The following UTP4 variants were observed in gnomAD, a reference collection of about 807,000 sequenced individuals.
The protein encoded by UTP4 is U3 small nucleolar RNA-associated protein 4 homolog.
Under a neutral mutation model 82.4 loss-of-function variants are expected in UTP4, and 45 were observed. The ratio of observed to expected loss-of-function variants is 0.55; its 90% CI spans 0.43 to 0.70. The LOEUF is 0.70. UTP4 is among the 30% of genes least tolerant of loss of function. The pLI is 0.00. For synonymous variants in UTP4, 348 were observed against 300.3 expected (o/e 1.16, Z -1.64); for missense variants, 819 against 858.3 (o/e 0.95, Z 0.57).
chr16:69,154,572 T>C (rs1043468178), intron 10 of UTP4, 115 bp downstream of exon 10: 29 of 826,540 alleles, frequency 3.5e-5, no homozygotes, highest in Non-Finnish European at 4.9e-5. Context: ...ATTCTAAAAC[T>C]ATTTGAATGA....
intron 2 of UTP4, among the ~76,000 whole-genome samples, chr16:69,134,688 T>G (rs1962762280): frequency 6.6e-6 from 1 of 151,332 alleles, no homozygotes; most frequent in Admixed American, 6.6e-5. Context: ...GTGATTTTCT[T>G]TTTTTTTCTT....
chr16:69,140,819 A>G (rs13331125), intron 5 of UTP4, among the ~76,000 whole-genome samples: 17,888 of 152,032 alleles, frequency 0.12, 1,300 homozygotes, highest in Middle Eastern at 0.23. Context: ...TTTATGCTAC[A>G]TTTTGATTTT....
At chr16:69,157,022 T>C (rs1963434203) in intron 11 of UTP4, 62 bp from the exon 12 acceptor site, 1 of 1,568,062 alleles carries the variant, frequency 6.4e-7, no homozygotes, top group East Asian at 2.2e-5. Flanking sequence ...TAGCTGTGAT[T>C]GTTTCTGATG....
intron 6 of UTP4, among the ~76,000 whole-genome samples, chr16:69,149,230 A>G (rs537878927): frequency 4.6e-5 from 7 of 152,128 alleles, no homozygotes; most frequent in Non-Finnish European, 1.0e-4. Flanking sequence ...TAATACAAAA[A>G]TTAACCAGGC....
chr16:69,159,960 G>A (rs1270363467), intron 12 of UTP4, among the ~76,000 whole-genome samples: 1 of 149,636 alleles, frequency 6.7e-6, no homozygotes. Context: ...ACTCCAGCCC[G>A]AGTGACAGAG....
intron 8 of UTP4, among the ~76,000 whole-genome samples, chr16:69,151,483 G>C (rs529486360): frequency 6.6e-6 from 1 of 151,606 alleles, no homozygotes; most frequent in Non-Finnish European, 1.5e-5. Context: ...CACCACGCCC[G>C]GCTAATTTTT....
At position 69,157,150 on chromosome 16, in the gene UTP4, C is replaced by T; in HGVS notation, c.1354C>T (p.Leu452Phe). The change falls in exon 12 of 17, where the codon CTC (leucine) becomes TTC (phenylalanine). Residue 452 changes from leucine to phenylalanine, a missense_variant. Transcript: ENST00000314423. ...QILFSEDSTK[L>F]FVASNQGALH... ...TTTGTTTTCTGAAGATTCAACAAAGCTCTTTGTAGCATCAAATCAAGGAGC... is the reference window on the plus strand; with the variant it reads ...TTTGTTTTCTGAAGATTCAACAAAGTTCTTTGTAGCATCAAATCAAGGAGC... 1 of 1,614,208 alleles carries T rather than the reference C, an allele frequency of 6.2e-7. No individual in the cohort carries two copies. Among genetic ancestry groups the T allele is most frequent in the East Asian group, 2.2e-5 (1 of 44,880 alleles).
At chr16:69,142,107 T>C (rs1049226594) in intron 5 of UTP4, 1 of 152,128 alleles carries the variant, frequency 6.6e-6, no homozygotes, top group Non-Finnish European at 1.5e-5. Flanking sequence ...GGCCTCTGCC[T>C]TTCATGTTAA....
intron 5 of UTP4, among the ~76,000 whole-genome samples, chr16:69,140,188 T>C (rs1202470743): frequency 6.6e-6 from 1 of 152,238 alleles, no homozygotes; most frequent in Non-Finnish European, 1.5e-5. Flanking sequence ...TCGTGTACTA[T>C]AAACAGTAGA....
rs770780675 is a variant in UTP4, at chr16:69,165,322, A to C, written c.1648-19A>C. 3.1e-6 allele frequency: 5 copies of C among 1,612,388 alleles called. No homozygotes were observed. Among genetic ancestry groups the C allele is most frequent in the African/African-American group, 1.3e-5 (1 of 74,864 alleles). On this transcript the variant is annotated intron_variant, in intron 14 of 16. Coordinates refer to ENST00000314423, the MANE Select transcript of UTP4 (RefSeq NM_032830.3). ...TCTGAGTACCAGCCTGCATTTCTCT[A>C]TGTCATGTCCTCCCTCAGGTATTTG...
At chr16:69,156,745 C>T (rs1353547615) in intron 11 of UTP4, among the ~76,000 whole-genome samples, 3 of 152,238 alleles carry the variant, frequency 2.0e-5, no homozygotes, top group African/African-American at 7.2e-5. Context: ...GCATGAGACA[C>T]TGCGCCCGGC....
intron 8 of UTP4, 59 bp downstream of exon 8, chr16:69,150,963 G>C: frequency 7.6e-7 from 1 of 1,314,452 alleles, no homozygotes; most frequent in Non-Finnish European, 1.1e-6. Flanking sequence ...GTGTCCCCCT[G>C]TCCCACAAGC....
chr16:69,153,614 C>T lies in UTP4; in HGVS notation c.1033C>T (p.Gln345Ter), dbSNP rs907791057. Residue 345 changes from glutamine (Q) to a stop codon, truncating the protein, a stop_gained, in exon 9 of 17, where the codon CAG becomes TAG. Transcript: ENST00000314423. LOFTEE classifies it high-confidence loss of function. ...RCLISCSKKR[Q>*]LLLFQFAHHL... ...TCTCATCTCCTGTTCTAAAAAGAGG[C>T]AGCTTCTCCTCTTCCAGTTTGCTCA... 6.2e-7 allele frequency: 1 copy of T among 1,613,330 alleles called. No homozygotes were observed. Among genetic ancestry groups the T allele is most frequent in the African/African-American group, 1.3e-5 (1 of 74,902 alleles).
At chr16:69,151,654 T>C (rs1458228955) in intron 8 of UTP4, among the ~76,000 whole-genome samples, 1 of 150,744 alleles carries the variant, frequency 6.6e-6, no homozygotes, top group African/African-American at 2.4e-5. Flanking sequence ...ATCTGGGACA[T>C]GGAGATATTG....
At chr16:69,161,337 TAGAATA>T (rs1377067038) in intron 13 of UTP4, among the ~76,000 whole-genome samples, 1 of 152,206 alleles carries the variant, frequency 6.6e-6, no homozygotes, top group Non-Finnish European at 1.5e-5. Flanking sequence ...TAAAAGTGTA[TAGAATA>T]ACATCAAACT....
rs760021411 is a variant in UTP4 at position 69,150,672 on chromosome 16, A to C, written c.874A>C (p.Thr292Pro). The C allele has an allele frequency of 1.9e-6, 3 of 1,614,088 alleles. No individual in the cohort carries two copies. Among genetic ancestry groups the C allele is most frequent in the Non-Finnish European group, 2.5e-6 (3 of 1,180,040 alleles). The change falls in exon 7 of 17, where the codon ACT becomes CCT. Residue 292 changes from threonine (T) to proline (P), a missense_variant. Coordinates refer to ENST00000314423, the MANE Select transcript of UTP4 (RefSeq NM_032830.3). ...PFQHHTHDVRTVAHSPTALIS... is the reference protein window; with the variant it reads ...PFQHHTHDVRPVAHSPTALIS... ...CCAGCATCACACTCATGACGTGCGCACTGTGGCCCACAGCCCAACAGCGCT... is the reference window on the plus strand; with the variant it reads ...CCAGCATCACACTCATGACGTGCGCCCTGTGGCCCACAGCCCAACAGCGCT...
chr16:69,148,596 G>C (rs1963182480), intron 6 of UTP4, among the ~76,000 whole-genome samples: 1 of 151,472 alleles, frequency 6.6e-6, no homozygotes, highest in Non-Finnish European at 1.5e-5. Context: ...AATTCTTTTG[G>C]ATGTATATCT....
At chr16:69,156,554 G>T (rs1963420990) in intron 11 of UTP4, among the ~76,000 whole-genome samples, 1 of 151,762 alleles carries the variant, frequency 6.6e-6, no homozygotes, top group Non-Finnish European at 1.5e-5. Flanking sequence ...TGCCTCTCGG[G>T]TTCAAGCCAT....
At chr16:69,153,726 A>C in intron 9 of UTP4, 46 bp downstream of exon 9, 3 of 1,304,718 alleles carry the variant, frequency 2.3e-6, no homozygotes, top group Non-Finnish European at 3.3e-6. Context: ...TGGAGAGAGA[A>C]GCCAGAAATC....
Sources: gnomAD v4.1 joint callset for allele counts (sites outside exome capture counted in the v4.1 genomes callset) on GRCh38, gnomAD v4.1.1 for gene constraint, MANE v1.5 for transcripts, NCBI Gene and HGNC (gene_info 2026-07-23, HGNC 2026-07-21) for gene names.